Variants in COL11A1 observed in about 807,000 individuals in gnomAD.
COL11A1 encodes the protein collagen alpha-1(XI) chain.
A neutral mutation model predicts 265.2 loss-of-function variants in COL11A1; 74 were observed. The ratio of observed to expected loss-of-function variants is 0.28; its 90% CI spans 0.23 to 0.34. COL11A1 has a LOEUF of 0.34. COL11A1 is among the 10% of genes least tolerant of loss of function. COL11A1 has a pLI of 1.00. For missense variants in COL11A1, 2,165 were observed against 2,263.6 expected (o/e 0.96, Z 0.88); for synonymous variants, 816 against 727.6 (o/e 1.12, Z -1.96).
intron 49 of COL11A1, among the ~76,000 whole-genome samples, chr1:102,919,912 C>G (rs567680218): frequency 3.3e-5 from 5 of 152,040 alleles, no homozygotes; most frequent in South Asian, 4.1e-4. Context: ...TTACATCAAC[C>G]AATCTCTTCT....
intron 1 of COL11A1, among the ~76,000 whole-genome samples, chr1:103,099,456 T>C (rs1674058213): frequency 6.8e-6 from 1 of 146,532 alleles, no homozygotes; most frequent in Non-Finnish European, 1.5e-5. Flanking sequence ...ATCCATACAT[T>C]ATATATATGG....
At chr1:102,980,454 T>G (rs1260858348) in intron 31 of COL11A1, among the ~76,000 whole-genome samples, 3 of 152,100 alleles carry the variant, frequency 2.0e-5, no homozygotes, top group Non-Finnish European at 4.4e-5. Context: ...AGTGTTCACA[T>G]CCTTGCTGCT....
intron 14 of COL11A1, 108 bp from the exon 15 acceptor site, chr1:103,008,624 T>C (rs1051917305): frequency 1.0e-6 from 1 of 976,448 alleles, no homozygotes; most frequent in African/African-American, 1.6e-5. Context: ...ATATATTTAA[T>C]CATATTAGCA....
At chr1:102,923,495 G>T in intron 46 of COL11A1, 106 bp from the exon 47 acceptor site, 1 of 833,006 alleles carries the variant, frequency 1.2e-6, no homozygotes, top group East Asian at 2.7e-5. Flanking sequence ...ATAAGTACAT[G>T]GAAATTAAGA....
chr1:102,922,288 A>G lies in COL11A1; in HGVS notation c.3655-717T>C, dbSNP rs574856765. Among the ~76,000 whole-genome samples, 3 of 152,338 alleles carry G rather than the reference A, an allele frequency of 2.0e-5. No homozygotes were observed. In the South Asian group the frequency reaches 6.2e-4, roughly 32 times the overall value. On this transcript the variant is annotated intron_variant, in intron 47 of 66. Transcript: ENST00000370096. ...TTTCTGTTATTATCTACTACCGTGT[A>G]ATCAGGAAGAATATATCAATGATTC...
intron 1 of COL11A1, among the ~76,000 whole-genome samples, chr1:103,104,453 A>T (rs1199180364): frequency 6.6e-6 from 1 of 152,034 alleles, no homozygotes; most frequent in Non-Finnish European, 1.5e-5. Flanking sequence ...AAAAATATTA[A>T]TTTTTTACCA....
chr1:103,101,680 C>A (rs774254016), intron 1 of COL11A1, among the ~76,000 whole-genome samples: 1 of 150,478 alleles, frequency 6.6e-6, no homozygotes, highest in African/African-American at 2.4e-5. Flanking sequence ...TTTGCCTGTA[C>A]AGTACAGAGC....
At chr1:102,921,616 G>A (rs777078210) in intron 47 of COL11A1, 45 bp from the exon 48 acceptor site, 2 of 1,478,222 alleles carry the variant, frequency 1.4e-6, no homozygotes, top group Non-Finnish European at 1.9e-6. Flanking sequence ...AAATTCAAAT[G>A]TGTTTCCAAC....
At chr1:102,928,204 C>A (rs923064339) in intron 46 of COL11A1, among the ~76,000 whole-genome samples, 1 of 151,952 alleles carries the variant, frequency 6.6e-6, no homozygotes, top group Non-Finnish European at 1.5e-5. Context: ...CACCCACTAA[C>A]TCGTCATCTA....
Position 102,970,878 on chromosome 1 carries a change from G to C in COL11A1, c.2809-606C>G, listed in dbSNP as rs927920800. On this transcript the variant is annotated intron_variant, in intron 36 of 66. Transcript: ENST00000370096. ...AAAAACAAAAAAGTAGCCGGGCGTGGTGGCACACGCCTGTAGTCGCAGCTA... is the reference window on the plus strand; with the variant it reads ...AAAAACAAAAAAGTAGCCGGGCGTGCTGGCACACGCCTGTAGTCGCAGCTA... 7.9e-5 allele frequency among the ~76,000 whole-genome samples: 12 copies of C among 152,200 alleles called. No homozygotes were observed. The East Asian group carries it at 2.3e-3, about 29-fold the overall frequency.
At chr1:102,926,533 A>C (rs1451047207) in intron 46 of COL11A1, among the ~76,000 whole-genome samples, 1 of 152,190 alleles carries the variant, frequency 6.6e-6, no homozygotes, top group African/African-American at 2.4e-5. Context: ...AGGCAGATGC[A>C]ATTGTGAACA....
At chr1:102,889,333 A>T in intron 59 of COL11A1, 122 bp downstream of exon 59, 2 of 773,172 alleles carry the variant, frequency 2.6e-6, no homozygotes, top group African/African-American at 3.4e-5. Context: ...TTACTGACTT[A>T]AATTAGAATT....
At chr1:103,021,653 G>A (rs536619235) in intron 9 of COL11A1, 54 bp downstream of exon 9, 18 of 1,102,856 alleles carry the variant, frequency 1.6e-5, no homozygotes, top group Admixed American at 1.5e-4. Flanking sequence ...TAACATAATC[G>A]TGGCTCATAA....
intron 4 of COL11A1, among the ~76,000 whole-genome samples, chr1:103,056,999 G>A (rs1050469297): frequency 6.6e-6 from 1 of 152,074 alleles, no homozygotes; most frequent in Non-Finnish European, 1.5e-5. Context: ...GAGGTTTGAG[G>A]TTGCTGTATC....
At chr1:103,050,202 A>C (rs887913411) in intron 4 of COL11A1, among the ~76,000 whole-genome samples, 1 of 152,182 alleles carries the variant, frequency 6.6e-6, no homozygotes, top group African/African-American at 2.4e-5. Flanking sequence ...GTGTTTTCCA[A>C]CTTGGTTCCA....
intron 30 of COL11A1, among the ~76,000 whole-genome samples, chr1:102,985,224 C>T (rs1402056741): frequency 6.6e-6 from 1 of 151,886 alleles, no homozygotes; most frequent in Non-Finnish European, 1.5e-5. Flanking sequence ...GGAAAACAAA[C>T]ACAAGTTCAA....
At chr1:103,006,526 ATT>A (rs4013849) in intron 15 of COL11A1, among the ~76,000 whole-genome samples, 480 of 82,714 alleles carry the variant, frequency 5.8e-3, no homozygotes, top group African/African-American at 0.017. Context: ...AAATGGCTCC[ATT>A]TTTTTTTTTT....
intron 51 of COL11A1, 119 bp downstream of exon 51, chr1:102,914,585 G>T: frequency 2.0e-6 from 2 of 983,506 alleles, no homozygotes; most frequent in South Asian, 1.4e-5. Context: ...TATATGAAAT[G>T]ATGAAAAGTC....
intron 10 of COL11A1, 140 bp downstream of exon 10, chr1:103,018,678 G>A (rs897742915): frequency 1.5e-6 from 1 of 659,270 alleles, no homozygotes; most frequent in Admixed American, 2.8e-5. Flanking sequence ...CAGTTCAAAG[G>A]CACCAGCTCC....
Sources: allele counts gnomAD v4.1 joint callset (sites outside exome capture counted in the v4.1 genomes callset), GRCh38; gene constraint gnomAD v4.1.1; transcripts MANE v1.5; gene names NCBI Gene and HGNC (gene_info 2026-07-23, HGNC 2026-07-21).